DTWD2: variants seen among roughly 807,000 people sequenced by gnomAD.
DTWD2 encodes the protein DTW motif tRNA-uridine aminocarboxypropyltransferase 2.
A neutral mutation model predicts 31.8 loss-of-function variants in DTWD2; 39 were observed. The observed-to-expected ratio is 1.22, with a 90% CI of 0.95 to 1.60. DTWD2 has a LOEUF of 1.60. DTWD2 is among the 40% of genes most tolerant of loss of function. The pLI is 0.00. For synonymous variants in DTWD2, 180 were observed against 142.8 expected (o/e 1.26, Z -1.86); for missense variants, 515 against 381.5 (o/e 1.35, Z -2.92).
At chr5:118,940,252 A>C (rs1754149594) in intron 2 of DTWD2, among the ~76,000 whole-genome samples, 1 of 152,154 alleles carries the variant, frequency 6.6e-6, no homozygotes, top group African/African-American at 2.4e-5. Flanking sequence ...CATAGAGCCA[A>C]GTGATTAGTT....
At chr5:118,949,653 T>C (rs1472660939) in intron 1 of DTWD2, among the ~76,000 whole-genome samples, 2 of 151,884 alleles carry the variant, frequency 1.3e-5, no homozygotes, top group Non-Finnish European at 2.9e-5. Flanking sequence ...TTGAGTGGGG[T>C]AAGGGTGATT....
intron 4 of DTWD2, among the ~76,000 whole-genome samples, chr5:118,886,795 A>G (rs918342061): frequency 5.3e-5 from 8 of 152,236 alleles, no homozygotes; most frequent in African/African-American, 1.9e-4. Context: ...TTATCTCAAA[A>G]TAAAAAGTTT....
At chr5:118,899,894 C>T (rs1403937648) in intron 4 of DTWD2, among the ~76,000 whole-genome samples, 6 of 150,070 alleles carry the variant, frequency 4.0e-5, no homozygotes, top group Non-Finnish European at 7.4e-5. Context: ...CTCCGCCTCT[C>T]GGGTTCAAGC....
rs539207323 is a variant in DTWD2 at position 118,890,002 on chromosome 5, G to T, written c.597+38535C>A. ...TGGGTAAGTCCATTTTCTGACAAAA[G>T]AAAGTAAATGTCATTATATAAAATA... On this transcript the variant is annotated intron_variant, in intron 4 of 5. Transcript: ENST00000510708. 7.3e-4 allele frequency among the ~76,000 whole-genome samples: 111 copies of T among 152,232 alleles called. 3 individuals carry two copies. The Middle Eastern group carries it at 0.01, about 14-fold the overall frequency.
intron 4 of DTWD2, among the ~76,000 whole-genome samples, chr5:118,921,549 G>GA (rs538531618): frequency 2.0e-5 from 3 of 149,438 alleles, no homozygotes; most frequent in Admixed American, 6.7e-5. Context: ...GAAAGAAAAA[G>GA]AAAAAAAAAG....
chr5:118,907,312 G>T lies in DTWD2; in HGVS notation c.597+21225C>A, dbSNP rs564301055. 3.7e-4 allele frequency among the ~76,000 whole-genome samples: 57 copies of T among 152,226 alleles called. 1 individual carries two copies. In the South Asian group the frequency reaches 0.012, roughly 31 times the overall value. On this transcript the variant is annotated intron_variant, in intron 4 of 5. Transcript: ENST00000510708. ...TTATTTTAGACTTGTATTAGTCAGG[G>T]TTCTCCCCAGAAACAGAACTATTAG...
chr5:118,948,231 T>C (rs1754382805), intron 1 of DTWD2, among the ~76,000 whole-genome samples: 1 of 152,130 alleles, frequency 6.6e-6, no homozygotes, highest in Admixed American at 6.5e-5. Context: ...ATCCCAGCAC[T>C]TTGGGAGGCC....
At chr5:118,843,442 G>T (rs1369432540) in intron 5 of DTWD2, among the ~76,000 whole-genome samples, 2 of 151,848 alleles carry the variant, frequency 1.3e-5, no homozygotes, top group African/African-American at 4.9e-5. Flanking sequence ...TATTATTGTA[G>T]AAAACTCCTT....
At chr5:118,856,952 T>C (rs554208557) in intron 4 of DTWD2, among the ~76,000 whole-genome samples, 73 of 151,786 alleles carry the variant, frequency 4.8e-4, no homozygotes, top group Non-Finnish European at 9.3e-4. Context: ...TTTTTTTGTA[T>C]TTTTAGTAGA....
chr5:118,941,521 T>C (rs1754200756), intron 2 of DTWD2, among the ~76,000 whole-genome samples: 1 of 152,260 alleles, frequency 6.6e-6, no homozygotes, highest in African/African-American at 2.4e-5. Flanking sequence ...TCATTTTTTA[T>C]GGCTGCATAG....
In DTWD2 at chr5:118,967,098, G is replaced by A. The variant is rs571262044; in HGVS notation, c.218+21196C>T. ...CAAATAGTAACAGAAGTATGGGTTC[G>A]CAATTCCAAAACAACTGTATGTGTA... is the stretch of plus-strand genomic sequence containing the variant. On this transcript the variant is annotated intron_variant, in intron 1 of 5. Transcript: ENST00000510708. 6.8e-4 allele frequency among the ~76,000 whole-genome samples: 102 copies of A among 151,084 alleles called. 3 individuals are homozygous for A. Among genetic ancestry groups the A allele is most frequent in the African/African-American group, 2.3e-3 (95 of 41,198 alleles).
chr5:118,986,675 T>C (rs983381009), intron 1 of DTWD2, among the ~76,000 whole-genome samples: 1 of 152,220 alleles, frequency 6.6e-6, no homozygotes, highest in Non-Finnish European at 1.5e-5. Flanking sequence ...AATTCATTTA[T>C]ATTTTATTGA....
chr5:118,885,466 A>C (rs1288820950), intron 4 of DTWD2, among the ~76,000 whole-genome samples: 1 of 150,038 alleles, frequency 6.7e-6, no homozygotes, highest in African/African-American at 2.5e-5. Flanking sequence ...CAAAAAAAAA[A>C]AAAAAAAAAA....
intron 1 of DTWD2, among the ~76,000 whole-genome samples, chr5:118,945,272 T>G (rs1300496379): frequency 6.6e-6 from 1 of 152,196 alleles, no homozygotes; most frequent in Non-Finnish European, 1.5e-5. Flanking sequence ...GCTTTACTAC[T>G]GTTTAGGTAA....
At chr5:118,866,006 G>C (rs1752373072) in intron 4 of DTWD2, among the ~76,000 whole-genome samples, 1 of 150,470 alleles carries the variant, frequency 6.6e-6, no homozygotes, top group Non-Finnish European at 1.5e-5. Flanking sequence ...GTGTGTGTGT[G>C]TGTGTGTGTG....
chr5:118,941,584 G>A (rs1296135202), intron 2 of DTWD2, among the ~76,000 whole-genome samples: 1 of 152,160 alleles, frequency 6.6e-6, no homozygotes, highest in Non-Finnish European at 1.5e-5. Context: ...ATCATTGTTG[G>A]ACATTTAGGT....
chr5:118,867,306 C>T (rs1489908616), intron 4 of DTWD2, among the ~76,000 whole-genome samples: 1 of 151,910 alleles, frequency 6.6e-6, no homozygotes, highest in Non-Finnish European at 1.5e-5. Context: ...AAAATTAATT[C>T]TATGGATCCA....
chr5:118,870,082 C>T (rs555637191), intron 4 of DTWD2, among the ~76,000 whole-genome samples: 2 of 152,118 alleles, frequency 1.3e-5, no homozygotes, highest in African/African-American at 4.8e-5. Flanking sequence ...CTGAAGCTTG[C>T]CCTCCCCAGA....
At chr5:118,876,819 T>A (rs1197031341) in intron 4 of DTWD2, among the ~76,000 whole-genome samples, 1 of 152,120 alleles carries the variant, frequency 6.6e-6, no homozygotes, top group Non-Finnish European at 1.5e-5. Flanking sequence ...CTGGTATCAT[T>A]CCAACTAAAA....
Sources: allele counts gnomAD v4.1 joint callset (sites outside exome capture counted in the v4.1 genomes callset), GRCh38; gene constraint gnomAD v4.1.1; transcripts MANE v1.5; gene names NCBI Gene and HGNC (gene_info 2026-07-23, HGNC 2026-07-21).